Variants in CTNNBL1 observed in about 807,000 individuals in gnomAD.
The protein encoded by CTNNBL1 is catenin beta like 1, also known as beta-catenin-like protein 1.
In CTNNBL1, 31 loss-of-function variants were observed where a neutral mutation model predicts 72.7. The observed-to-expected ratio is 0.43, with a 90% CI of 0.32 to 0.58. The LOEUF is 0.58. CTNNBL1 is among the 20% of genes least tolerant of loss of function. CTNNBL1 has a pLI of 0.08. For synonymous variants in CTNNBL1, 240 were observed against 267.3 expected (o/e 0.90, Z 1.00); for missense variants, 534 against 725.1 (o/e 0.74, Z 3.03).
intron 10 of CTNNBL1, among the ~76,000 whole-genome samples, chr20:37,786,783 A>G (rs1031772727): frequency 7.9e-5 from 12 of 152,176 alleles, no homozygotes; most frequent in Non-Finnish European, 7.4e-5. Context: ...TTTCAGGTTA[A>G]AAAATCTCCT....
chr20:37,803,112 T>G (rs2073836769), intron 11 of CTNNBL1, 64 bp downstream of exon 11: 2 of 1,441,204 alleles, frequency 1.4e-6, no homozygotes, highest in East Asian at 4.7e-5. Context: ...AAATGTGAAC[T>G]ACTTTGAAAA....
chr20:37,816,481 TC>T (rs2072060240), intron 11 of CTNNBL1, among the ~76,000 whole-genome samples: 1 of 152,216 alleles, frequency 6.6e-6, no homozygotes, highest in African/African-American at 2.4e-5. Flanking sequence ...TGTCGTTTGT[TC>T]TCTGAACCTC....
At chr20:37,741,630 A>G (rs2073216545) in intron 3 of CTNNBL1, among the ~76,000 whole-genome samples, 1 of 152,200 alleles carries the variant, frequency 6.6e-6, no homozygotes, top group Non-Finnish European at 1.5e-5. Context: ...TATCTGTTAT[A>G]TCCTCAGTGC....
At chr20:37,712,422 C>T (rs1303630980) in intron 1 of CTNNBL1, among the ~76,000 whole-genome samples, 1 of 152,184 alleles carries the variant, frequency 6.6e-6, no homozygotes, top group Non-Finnish European at 1.5e-5. Context: ...ATATCACTGC[C>T]ACTTTGCCCA....
At chr20:37,772,493 C>T (rs747019927) in intron 7 of CTNNBL1, among the ~76,000 whole-genome samples, 11 of 152,148 alleles carry the variant, frequency 7.2e-5, no homozygotes, top group Admixed American at 1.3e-4. Context: ...GGACTACAGG[C>T]GCCCGCCACC....
intron 11 of CTNNBL1, among the ~76,000 whole-genome samples, chr20:37,819,872 C>CTT (rs368562087): frequency 0.01 from 1,260 of 121,200 alleles, 24 homozygotes; most frequent in African/African-American, 0.015. Context: ...CTTTTAATAT[C>CTT]TTTTTTTTTT....
chr20:37,771,881 A>G (rs565663092), intron 7 of CTNNBL1, among the ~76,000 whole-genome samples: 2 of 152,260 alleles, frequency 1.3e-5, no homozygotes, highest in East Asian at 3.9e-4. Context: ...TAGGATTAAG[A>G]CCCAAGCCTC....
At chr20:37,777,147 G>A (rs1340027067) in intron 7 of CTNNBL1, 198 bp from the exon 8 acceptor site, 1 of 532,094 alleles carries the variant, frequency 1.9e-6, no homozygotes, top group East Asian at 3.1e-5. Context: ...AAGAGTGTGA[G>A]AGCCATTGTT....
chr20:37,867,569 G>A (rs564775588), intron 15 of CTNNBL1, among the ~76,000 whole-genome samples: 71 of 152,234 alleles, frequency 4.7e-4, no homozygotes, highest in African/African-American at 1.5e-3. Context: ...AAAATGTGGG[G>A]GAAGTAGAGA....
chr20:37,807,293 G>C (rs1028272696), intron 11 of CTNNBL1, among the ~76,000 whole-genome samples: 2 of 152,126 alleles, frequency 1.3e-5, no homozygotes, highest in Non-Finnish European at 2.9e-5. Flanking sequence ...AATAAAGCAG[G>C]CACCATAAGA....
At chr20:37,815,300 T>C (rs1254737076) in intron 11 of CTNNBL1, among the ~76,000 whole-genome samples, 1 of 150,460 alleles carries the variant, frequency 6.6e-6, no homozygotes, top group Non-Finnish European at 1.5e-5. Context: ...GCTTAGATGG[T>C]GACATTGGCT....
At chr20:37,768,967 C>T (rs555886146) in intron 7 of CTNNBL1, among the ~76,000 whole-genome samples, 21 of 152,098 alleles carry the variant, frequency 1.4e-4, no homozygotes, top group Admixed American at 5.9e-4. Context: ...TTAGTAGAGA[C>T]GGGGTTTCAC....
intron 13 of CTNNBL1, among the ~76,000 whole-genome samples, chr20:37,853,610 G>T (rs935910308): frequency 4.6e-5 from 7 of 152,152 alleles, no homozygotes; most frequent in African/African-American, 1.4e-4. Flanking sequence ...ACCCATAAAA[G>T]GAGTCAGAAG....
chr20:37,865,947 T>A (rs2072533324), intron 15 of CTNNBL1, among the ~76,000 whole-genome samples: 1 of 152,272 alleles, frequency 6.6e-6, no homozygotes, highest in Non-Finnish European at 1.5e-5. Flanking sequence ...TCCTAGTAGC[T>A]CATAAACATG....
intron 11 of CTNNBL1, among the ~76,000 whole-genome samples, chr20:37,829,143 A>G (rs912492294): frequency 2.0e-5 from 3 of 152,194 alleles, no homozygotes; most frequent in African/African-American, 7.2e-5. Flanking sequence ...AAGGTTCAGC[A>G]ATAAAAGAGA....
intron 1 of CTNNBL1, among the ~76,000 whole-genome samples, chr20:37,700,062 G>C (rs1476807954): frequency 6.6e-6 from 1 of 152,290 alleles, no homozygotes; most frequent in Middle Eastern, 3.4e-3. Context: ...GGGCTCCAGA[G>C]ATTTCAAGGG....
At chr20:37,860,436 G>C (rs2072482339) in intron 15 of CTNNBL1, 92 bp downstream of exon 15, 1 of 1,059,562 alleles carries the variant, frequency 9.4e-7, no homozygotes, top group Admixed American at 1.7e-5. Flanking sequence ...ATTTGATGTG[G>C]AGCGTTTTCT....
intron 11 of CTNNBL1, among the ~76,000 whole-genome samples, chr20:37,833,583 C>T (rs953399893): frequency 9.2e-5 from 14 of 151,958 alleles, no homozygotes; most frequent in South Asian, 2.1e-4. Flanking sequence ...TGTGTGTGTG[C>T]GTGTGTACAT....
At chr20:37,782,115 G>A (rs889911983) in intron 10 of CTNNBL1, among the ~76,000 whole-genome samples, 3 of 152,022 alleles carry the variant, frequency 2.0e-5, no homozygotes, top group African/African-American at 7.2e-5. Context: ...CACTGCTAAG[G>A]TACTATGTTA....
Sources: allele counts gnomAD v4.1 joint callset (sites outside exome capture counted in the v4.1 genomes callset), GRCh38; gene constraint gnomAD v4.1.1; transcripts MANE v1.5; gene names NCBI Gene and HGNC (gene_info 2026-07-23, HGNC 2026-07-21).